The following CHD6 variants were observed in gnomAD, a reference collection of about 807,000 sequenced individuals.
CHD6 encodes the protein ATP-dependent chromatin remodeler CHD6.
In CHD6, 50 loss-of-function variants were observed where a neutral mutation model predicts 276.9. The observed-to-expected ratio is 0.18, with a 90% CI of 0.14 to 0.23. The LOEUF is 0.23. CHD6 is among the 10% of genes least tolerant of loss of function. The pLI is 1.00. For synonymous variants in CHD6, 1,173 were observed against 1,229.3 expected, an observed-to-expected ratio of 0.95 and a Z score of 0.96; for missense variants, 2,564 against 3,365.8, an observed-to-expected ratio of 0.76 and a Z score of 5.89.
rs1392277269 is a variant in CHD6, at chr20:41,493,872, C to T, written c.1165G>A (p.Ala389Thr). Residue 389 changes from alanine to threonine, a missense_variant, in exon 9 of 37, where the codon GCA becomes ACA. Transcript: ENST00000373233. Reference sequence around the variant, plus strand: ...CAAATACCCACCTCCCCTGTTTCTGCATCCTTGGTGTGGGCCACCTCCAAG... The same window carrying T: ...CAAATACCCACCTCCCCTGTTTCTGTATCCTTGGTGTGGGCCACCTCCAAG... ...RILEVAHTKD[A>T]ETGEEVTHYL... 1.2e-6 allele frequency: 2 copies of T among 1,613,702 alleles called. No individual in the cohort carries two copies. The highest frequency in any genetic ancestry group is 1.7e-5 in the Admixed American group (1 of 60,010).
chr20:41,553,194 T>C (rs1277670828), intron 1 of CHD6, among the ~76,000 whole-genome samples: 1 of 152,188 alleles, frequency 6.6e-6, no homozygotes, highest in Non-Finnish European at 1.5e-5. Context: ...TAAAGAAGTT[T>C]GGGGGAAAAT....
intron 2 of CHD6, among the ~76,000 whole-genome samples, chr20:41,543,322 C>T (rs2044982384): frequency 6.6e-6 from 1 of 152,092 alleles, no homozygotes; most frequent in South Asian, 2.1e-4. Flanking sequence ...GGATTTGACT[C>T]CCATTTCAAG....
In CHD6 at chr20:41,512,832, T is replaced by C. The variant is rs1472864975; in HGVS notation, c.852+14A>G. The C allele has an allele frequency of 1.7e-5, 27 of 1,613,850 alleles. No homozygotes were observed. Among genetic ancestry groups the C allele is most frequent in the Non-Finnish European group, 2.3e-5 (27 of 1,179,804 alleles). ...TGTCCAGCCAAGGTCAGTAACCTCA[T>C]GCAAAGGCCATACCTCCGCCTGCCA... On this transcript the variant is annotated intron_variant, in intron 5 of 36. Transcript: ENST00000373233.
chr20:41,446,211 G>A (rs2048063843), intron 24 of CHD6, among the ~76,000 whole-genome samples: 1 of 152,150 alleles, frequency 6.6e-6, no homozygotes, highest in Non-Finnish European at 1.5e-5. Context: ...TCAGTATGTT[G>A]CCTCAACAAG....
At chr20:41,567,435 C>T (rs1295887040) in intron 1 of CHD6, among the ~76,000 whole-genome samples, 1 of 152,094 alleles carries the variant, frequency 6.6e-6, no homozygotes, top group Non-Finnish European at 1.5e-5. Flanking sequence ...AGACCACCAC[C>T]CTGGGGGAGA....
chr20:41,563,300 T>A, intron 1 of CHD6, among the ~76,000 whole-genome samples: 1 of 152,232 alleles, frequency 6.6e-6, no homozygotes, highest in East Asian at 1.9e-4. Context: ...ACAAGGCTTT[T>A]ACTCACTGAA....
rs377255552 is a variant in CHD6, at chr20:41,404,859, G to A, written c.7882C>T (p.Leu2628Phe). The A allele has an allele frequency of 5.6e-6, 9 of 1,614,040 alleles. No individual in the cohort carries two copies. The highest frequency in any genetic ancestry group is 6.8e-6 in the Non-Finnish European group (8 of 1,180,044). ...AGAGCCATGCCCATACCAGGGGAGA[G>A]GAACATGGATGGGTAAATGAGTCCA... ...SPGLIYPSMF[L>F]SPGMGMALPA... is the part of the protein sequence containing the mutation. The change falls in exon 37 of 37, where the codon CTC (leucine) becomes TTC (phenylalanine). Residue 2628 changes from leucine (L) to phenylalanine (F), a missense_variant. Physicochemically the swap from Leu to Phe is conservative, Grantham distance 22. Coordinates refer to ENST00000373233, the MANE Select transcript of CHD6 (RefSeq NM_032221.5).
At chr20:41,437,609 G>A (rs2047754958) in intron 26 of CHD6, among the ~76,000 whole-genome samples, 1 of 152,188 alleles carries the variant, frequency 6.6e-6, no homozygotes, top group African/African-American at 2.4e-5. Flanking sequence ...TACAGGGTTT[G>A]GTACTATCTG....
intron 16 of CHD6, among the ~76,000 whole-genome samples, chr20:41,479,462 C>T (rs1361013048): frequency 6.6e-6 from 1 of 151,932 alleles, no homozygotes; most frequent in African/African-American, 2.4e-5. Flanking sequence ...TGAATGACTG[C>T]AGAACTTTTC....
Position 41,410,151 on chromosome 20 carries a change from C to T in CHD6, c.7251+1993G>A, listed in dbSNP as rs186021603. ...TTTCTAAAAAGAGGGGTAGGGTTTC[C>T]GCTATAAATGTTTCAAATTACTATG... On this transcript the variant is annotated intron_variant, in intron 36 of 36. Coordinates refer to ENST00000373233, the MANE Select transcript of CHD6 (RefSeq NM_032221.5). Among the ~76,000 whole-genome samples, 403 of 152,226 alleles carry T rather than the reference C, an allele frequency of 2.6e-3. 2 individuals are homozygous for T. The highest frequency in any genetic ancestry group is 0.02 in the Middle Eastern group (6 of 294).
intron 1 of CHD6, among the ~76,000 whole-genome samples, chr20:41,586,951 AG>A (rs1266140358): frequency 6.6e-6 from 1 of 152,244 alleles, no homozygotes; most frequent in African/African-American, 2.4e-5. Context: ...TCATGTGAGG[AG>A]GAGGAATCCT....
At chr20:41,605,690 ATGTAAGACTTATTG>A (rs1161701173) in intron 1 of CHD6, among the ~76,000 whole-genome samples, 2 of 152,228 alleles carry the variant, frequency 1.3e-5, no homozygotes, top group African/African-American at 2.4e-5. Flanking sequence ...GATAAACCAC[ATGTAAGACTTATTG>A]TGTAAGACTT....
At chr20:41,420,455 C>A (rs999746887) in intron 31 of CHD6, 53 bp downstream of exon 31, 7 of 1,535,830 alleles carry the variant, frequency 4.6e-6, no homozygotes, top group African/African-American at 1.4e-5. Context: ...CCCAACCCCC[C>A]GTCGTGTGTG....
chr20:41,601,331 C>T (rs1392764531), intron 1 of CHD6, among the ~76,000 whole-genome samples: 1 of 151,242 alleles, frequency 6.6e-6, no homozygotes, highest in Non-Finnish European at 1.5e-5. Flanking sequence ...TGAAACACGA[C>T]TACTACTGGA....
chr20:41,504,035 G>A (rs556544196), intron 5 of CHD6, among the ~76,000 whole-genome samples: 20 of 121,412 alleles, frequency 1.6e-4, no homozygotes, highest in Non-Finnish European at 3.0e-4. Flanking sequence ...CTGAGATTGC[G>A]CCACTGTACT....
At chr20:41,464,114 A>C (rs569606466) in intron 17 of CHD6, among the ~76,000 whole-genome samples, 1 of 152,366 alleles carries the variant, frequency 6.6e-6, no homozygotes, top group African/African-American at 2.4e-5. Context: ...CTGGAGTTGC[A>C]AAATGAAATT....
chr20:41,555,728 T>A (rs1295901937), intron 1 of CHD6, among the ~76,000 whole-genome samples: 3 of 144,888 alleles, frequency 2.1e-5, no homozygotes, highest in Non-Finnish European at 4.5e-5. Flanking sequence ...ACTTCCTAGA[T>A]GGGATGGCGG....
At chr20:41,556,822 A>C (rs2146171953) in intron 1 of CHD6, among the ~76,000 whole-genome samples, 1 of 152,364 alleles carries the variant, frequency 6.6e-6, no homozygotes, top group Non-Finnish European at 1.5e-5. Flanking sequence ...CATAATTTAT[A>C]AACACCCTTA....
chr20:41,604,707 C>T (rs551615565), intron 1 of CHD6, among the ~76,000 whole-genome samples: 82 of 152,308 alleles, frequency 5.4e-4, no homozygotes, highest in African/African-American at 1.9e-3. Flanking sequence ...CACCCATCTT[C>T]TCTAAGAAGA....
Sources: gnomAD v4.1 joint callset for allele counts (sites outside exome capture counted in the v4.1 genomes callset) on GRCh38, gnomAD v4.1.1 for gene constraint, MANE v1.5 for transcripts, NCBI Gene and HGNC (gene_info 2026-07-23, HGNC 2026-07-21) for gene names.